The following FMNL2 variants were observed in gnomAD, a reference collection of about 807,000 sequenced individuals.
The protein encoded by FMNL2 is formin like 2, also known as formin-like protein 2.
A neutral mutation model predicts 130.2 loss-of-function variants in FMNL2; 51 were observed. The ratio of observed to expected loss-of-function variants is 0.39; its 90% confidence interval spans 0.31 to 0.49. FMNL2 has a LOEUF of 0.49. FMNL2 is among the 20% of genes least tolerant of loss of function. The pLI, the probability that FMNL2 is intolerant of heterozygous loss-of-function variation, is 0.85. For synonymous variants in FMNL2, 465 were observed against 467.1 expected (o/e 1.00, Z 0.06); for missense variants, 977 against 1,316.2 (o/e 0.74, Z 3.99).
chr2:152,507,790 T>G (rs1483569664), intron 1 of FMNL2, among the ~76,000 whole-genome samples: 1 of 152,182 alleles, frequency 6.6e-6, no homozygotes, highest in Non-Finnish European at 1.5e-5. Flanking sequence ...GAGATCTTTT[T>G]GTTCTCATTT....
At chr2:152,350,751 T>C (rs911470624) in intron 1 of FMNL2, among the ~76,000 whole-genome samples, 2 of 152,174 alleles carry the variant, frequency 1.3e-5, no homozygotes, top group Non-Finnish European at 2.9e-5. Flanking sequence ...CATACAAGAA[T>C]TTTACAAAGA....
intron 24 of FMNL2, among the ~76,000 whole-genome samples, chr2:152,640,583 G>A (rs1023725705): frequency 6.6e-6 from 1 of 152,218 alleles, no homozygotes. Context: ...TCTTGTTGCT[G>A]CCAGGTGAAG....
Position 152,419,053 on chromosome 2 carries a change from G to A in FMNL2, c.117+83333G>A, listed in dbSNP as rs530607621. 2.6e-5 allele frequency among the ~76,000 whole-genome samples: 4 copies of A among 151,162 alleles called. No individual in the cohort carries two copies. In the East Asian group the frequency reaches 7.8e-4, roughly 29 times the overall value. ...CATTGTGGTTTTGATTTGTACTTAT[G>A]CATAGGTTTTTTAAAACTATGTTTA... On this transcript the variant is annotated intron_variant, in intron 1 of 25. Transcript: ENST00000288670.
At chr2:152,459,457 T>A (rs930538417) in intron 1 of FMNL2, among the ~76,000 whole-genome samples, 2 of 152,230 alleles carry the variant, frequency 1.3e-5, no homozygotes, top group South Asian at 2.1e-4. Context: ...CAAAATTGAT[T>A]TTGCCTTTTT....
chr2:152,621,163 CCCCCAAGG>C (rs1699228271), intron 15 of FMNL2: 1 of 982,218 alleles, frequency 1.0e-6, no homozygotes, highest in African/African-American at 1.7e-5. Flanking sequence ...CTCTTGGTAG[CCCCCAAGG>C]CGCACTTGCT....
intron 2 of FMNL2, among the ~76,000 whole-genome samples, chr2:152,537,094 C>A (rs547294805): frequency 2.4e-4 from 36 of 152,244 alleles, no homozygotes; most frequent in Admixed American, 5.9e-4. Flanking sequence ...GAGGACGAAC[C>A]AAAGAAACAG....
intron 4 of FMNL2, among the ~76,000 whole-genome samples, chr2:152,558,083 C>T (rs78179030): frequency 0.018 from 2,782 of 152,196 alleles, 100 homozygotes; most frequent in African/African-American, 0.063. Context: ...CATTCAAATG[C>T]AAGGAGGTAT....
intron 1 of FMNL2, among the ~76,000 whole-genome samples, chr2:152,336,099 AAAC>A (rs1393884129): frequency 2.5e-4 from 37 of 150,560 alleles, no homozygotes; most frequent in African/African-American, 7.3e-4. Context: ...AAAAAAAACA[AAAC>A]AAAACAAAAC....
chr2:152,607,003 TTTG>T (rs1559003020), intron 9 of FMNL2, among the ~76,000 whole-genome samples: 4 of 131,942 alleles, frequency 3.0e-5, no homozygotes, highest in African/African-American at 1.1e-4. Flanking sequence ...GTTTTTTTTT[TTTG>T]TTTTTTTTTT....
rs375647394 is a variant in FMNL2 at position 152,371,529 on chromosome 2, C to G, written c.117+35809C>G. On this transcript the variant is annotated intron_variant, in intron 1 of 25. Transcript: ENST00000288670. ...ACTAAAAGTACAAAAATTAGCTGGG[C>G]GTGGTGCCATGTGCCTGTAGTCCCA... 7.0e-4 allele frequency among the ~76,000 whole-genome samples: 106 copies of G among 151,798 alleles called. 3 individuals are homozygous for G. The South Asian group carries it at 0.022, about 31-fold the overall frequency.
At chr2:152,389,685 A>G (rs372380333) in intron 1 of FMNL2, among the ~76,000 whole-genome samples, 2 of 152,350 alleles carry the variant, frequency 1.3e-5, no homozygotes, top group South Asian at 4.1e-4. Flanking sequence ...CGATGGGCGG[A>G]GAGCAGGAGG....
At chr2:152,570,674 A>G (rs1355015138) in intron 6 of FMNL2, among the ~76,000 whole-genome samples, 1 of 152,142 alleles carries the variant, frequency 6.6e-6, no homozygotes, top group African/African-American at 2.4e-5. Flanking sequence ...GTCCTTTCCA[A>G]TCCTCACATC....
chr2:152,364,287 T>G (rs373892884), intron 1 of FMNL2, among the ~76,000 whole-genome samples: 43,664 of 132,120 alleles, frequency 0.33, 7,427 homozygotes, highest in Non-Finnish European at 0.49. Context: ...TTTTTTTTTT[T>G]TTTTTACCAG....
chr2:152,518,756 A>G (rs1446117319), intron 1 of FMNL2, among the ~76,000 whole-genome samples: 1 of 152,118 alleles, frequency 6.6e-6, no homozygotes, highest in African/African-American at 2.4e-5. Context: ...CATCGACCCC[A>G]TCTAAGCTGC....
At position 152,494,747 on chromosome 2, in the gene FMNL2, G is replaced by A. The variant is rs555809271; in HGVS notation, c.118-27196G>A. ...CTCAAAATAAAAAGTTAGATGTAGT[G>A]GTCCTTTCTCATGTGCCTTGACTAT... On this transcript the variant is annotated intron_variant, in intron 1 of 25. Transcript: ENST00000288670. 2.6e-5 allele frequency among the ~76,000 whole-genome samples: 4 copies of A among 152,154 alleles called. No individual in the cohort carries two copies. The South Asian group carries it at 8.3e-4, about 32-fold the overall frequency.
At chr2:152,335,801 ACC>A (rs1681376709) in intron 1 of FMNL2, 81 bp downstream of exon 1, 4 of 1,039,438 alleles carry the variant, frequency 3.8e-6, no homozygotes, top group South Asian at 1.9e-5. Context: ...CCTCCCCTTC[ACC>A]CCGTGCCGGG....
At chr2:152,387,568 T>A (rs1287121141) in intron 1 of FMNL2, among the ~76,000 whole-genome samples, 3 of 152,244 alleles carry the variant, frequency 2.0e-5, no homozygotes, top group African/African-American at 7.2e-5. Context: ...CTGCTTATAC[T>A]GCATTCAGTA....
chr2:152,424,680 C>T (rs1166168304), intron 1 of FMNL2, among the ~76,000 whole-genome samples: 1 of 151,894 alleles, frequency 6.6e-6, no homozygotes, highest in Admixed American at 6.6e-5. Context: ...TAAGCCACCA[C>T]TCCTAGCCCG....
intron 25 of FMNL2, among the ~76,000 whole-genome samples, chr2:152,642,724 T>C (rs11679491): frequency 0.85 from 129,636 of 152,250 alleles, 55,789 homozygotes; most frequent in Non-Finnish European, 0.91. Flanking sequence ...TTGGAGTTCC[T>C]GGCTGGGCGA....
Sources: gnomAD v4.1 joint callset for allele counts (sites outside exome capture counted in the v4.1 genomes callset) on GRCh38, gnomAD v4.1.1 for gene constraint, MANE v1.5 for transcripts, NCBI Gene and HGNC (gene_info 2026-07-23, HGNC 2026-07-21) for gene names.